The following KIF17 variants were observed in gnomAD, a reference collection of about 807,000 sequenced individuals.
The protein encoded by KIF17 is kinesin family member 17.
Under a neutral mutation model 96.8 loss-of-function variants are expected in KIF17, and 80 were observed. That is an observed-to-expected ratio of 0.83 (90% CI 0.69 to 1.00). The LOEUF (loss-of-function observed/expected upper bound fraction) is 1.00, where lower values mean the gene tolerates loss of function less well. Ranked by LOEUF, KIF17 falls within the 50% of genes least tolerant of loss-of-function variation. The pLI, the probability that KIF17 is intolerant of heterozygous loss-of-function variation, is 0.00. For missense variants in KIF17, 1,280 were observed against 1,372.9 expected, an observed-to-expected ratio of 0.93 and a Z score of 1.07; for synonymous variants, 567 against 587.5, an observed-to-expected ratio of 0.97 and a Z score of 0.51.
chr1:20,714,128 T>G (rs576457462), intron 2 of KIF17, among the ~76,000 whole-genome samples: 2 of 152,012 alleles, frequency 1.3e-5, no homozygotes, highest in South Asian at 4.2e-4. Context: ...GAGATCGAGA[T>G]CATCCTGGCT....
chr1:20,705,255 A>C lies in KIF17; in HGVS notation c.671-356T>G, dbSNP rs546746157. On this transcript the variant is annotated intron_variant, in intron 4 of 14. Transcript: ENST00000400463. ...AAGGCTTCCTGCAAGGTCAAGGTAG[A>C]GAAGGGCAGGGGTGTGGGCTGGATC... Among the ~76,000 whole-genome samples the C allele has an allele frequency of 2.0e-5, 3 of 152,346 alleles. No individual in the cohort carries two copies. The South Asian group carries it at 6.2e-4, about 32-fold the overall frequency.
At chr1:20,706,887 T>TAA (rs1351849408) in intron 4 of KIF17, among the ~76,000 whole-genome samples, 1 of 77,972 alleles carries the variant, frequency 1.3e-5, no homozygotes. Context: ...AAATCCTGTC[T>TAA]CAAAAAAAAA....
intron 2 of KIF17, among the ~76,000 whole-genome samples, chr1:20,714,539 G>A (rs2054543084): frequency 1.3e-5 from 2 of 151,726 alleles, no homozygotes; most frequent in South Asian, 4.2e-4. Flanking sequence ...GCTGACACCT[G>A]TAATCCCAAC....
At position 20,687,854 on chromosome 1, in the gene KIF17, T is replaced by A. The variant is rs771343541; in HGVS notation, c.1472A>T (p.Gln491Leu). The A allele has an allele frequency of 3.7e-6, 6 of 1,613,962 alleles. No homozygotes were observed. Among genetic ancestry groups the A allele is most frequent in the African/African-American group, 1.3e-5 (1 of 74,922 alleles). ...CTTGGGTTTCACCACTGTCTCATAC[T>A]GAAAAGCAGGCGGGTACTCAGCGCT... Reference protein sequence around the residue: ...ASSAEYPPAFQYETVVKPKVF... With the variant: ...ASSAEYPPAFLYETVVKPKVF... Residue 491 changes from glutamine to leucine, a missense_variant, in exon 8 of 15, where the codon CAG (glutamine) becomes CTG (leucine). Transcript: ENST00000400463. The surrounding 1 kb of genome is among the most constrained non-coding windows in gnomAD (Gnocchi z 4.4).
Position 20,717,559 on chromosome 1 carries a change from TGGG to T in KIF17, c.145_147del (p.Pro49del). The T allele has an allele frequency of 6.2e-7, 1 of 1,611,574 alleles. No individual in the cohort carries two copies. The highest frequency in any genetic ancestry group is 1.1e-5 in the South Asian group (1 of 90,986). ...TAGGCGCCGTCGAAGGTGAACTGCT[TGGG>T]CGGCTCGTCGGCGGCGCCCGGGTTC... On this transcript the variant is annotated inframe_deletion, in exon 1 of 15. Transcript: ENST00000400463.
intron 2 of KIF17, among the ~76,000 whole-genome samples, chr1:20,714,796 CAAAAAAAAAAA>C (rs34182653): frequency 9.3e-6 from 1 of 107,662 alleles, no homozygotes; most frequent in Non-Finnish European, 1.8e-5. Context: ...GACTCCGTCT[CAAAAAAAAAAA>C]AAAAAAAACA....
rs138931507 is a variant in KIF17 at position 20,715,525 on chromosome 1, T to C, written c.346A>G (p.Arg116Gly). 12 of 1,613,398 alleles carry C rather than the reference T, an allele frequency of 7.4e-6. No individual in the cohort carries two copies. Among genetic ancestry groups the C allele is most frequent in the African/African-American group, 2.7e-5 (2 of 74,918 alleles). The change falls in exon 2 of 15, where the codon AGG becomes GGG. Residue 116 changes from arginine to glycine, a missense_variant. Coordinates refer to ENST00000400463, the MANE Select transcript of KIF17 (RefSeq NM_001122819.3). ...DPPSQRGIIP[R>G]AFEHVFESVQ... Reference sequence around the variant, plus strand: ...CTCTCGAACACGTGCTCGAAGGCCCTGGGGATGATGCCTCTCTGGGAGGGC... The same window carrying C: ...CTCTCGAACACGTGCTCGAAGGCCCCGGGGATGATGCCTCTCTGGGAGGGC...
At chr1:20,684,605 A>AC (rs2053899763) in intron 10 of KIF17, among the ~76,000 whole-genome samples, 1 of 152,180 alleles carries the variant, frequency 6.6e-6, no homozygotes, top group African/African-American at 2.4e-5. Context: ...AGCAGGCCTG[A>AC]CAAGGGATGC....
At chr1:20,715,734 T>C in intron 1 of KIF17, 95 bp from the exon 2 acceptor site, 1 of 1,445,014 alleles carries the variant, frequency 6.9e-7, no homozygotes. Context: ...GGGCCCTTCC[T>C]GGTCCCCCCA....
At position 20,690,314 on chromosome 1, in the gene KIF17, G is replaced by C; in HGVS notation, c.1255C>G (p.Arg419Gly). The change falls in exon 7 of 15, where the codon CGG becomes GGG. Residue 419 changes from arginine (R) to glycine (G), a missense_variant. Transcript: ENST00000400463. ...IREEYEERLARLKADYKAEQE... is the reference protein window; with the variant it reads ...IREEYEERLAGLKADYKAEQE... Reference sequence around the variant, plus strand: ...TCGGCCTTATAGTCGGCTTTCAGCCGGGCCAGGCGCTCTTCATACTCCTGG... The same window carrying C: ...TCGGCCTTATAGTCGGCTTTCAGCCCGGCCAGGCGCTCTTCATACTCCTGG... 1 of 1,610,668 alleles carries C rather than the reference G, an allele frequency of 6.2e-7. No homozygotes were observed. Among genetic ancestry groups the C allele is most frequent in the Non-Finnish European group, 8.5e-7 (1 of 1,178,816 alleles).
intron 6 of KIF17, among the ~76,000 whole-genome samples, chr1:20,690,703 T>A (rs931414586): frequency 4.6e-5 from 7 of 151,800 alleles, no homozygotes; most frequent in African/African-American, 1.7e-4. Flanking sequence ...TTTTTTTTTT[T>A]TGAGACGGAG....
Position 20,700,082 on chromosome 1 carries a change from G to C in KIF17, c.1124-1594C>G, listed in dbSNP as rs1054814213. Among the ~76,000 whole-genome samples the C allele has an allele frequency of 6.6e-6, 1 of 151,958 alleles. No individual in the cohort carries two copies. Among genetic ancestry groups the C allele is most frequent in the Admixed American group, 6.6e-5 (1 of 15,240 alleles). ...GCCAGTTTTTGTTTTGTTTTGTTTT[G>C]TTTTTTGAGACGGGGTCTTTGCTCT... On this transcript the variant is annotated intron_variant, in intron 5 of 14. Transcript: ENST00000400463. The surrounding 1 kb of genome is among the most constrained non-coding windows in gnomAD (Gnocchi z 4.6).
At position 20,709,946 on chromosome 1, in the gene KIF17, C is replaced by T. The variant is rs1334642769; in HGVS notation, c.481-118G>A. 4.3e-6 allele frequency: 4 copies of T among 922,204 alleles called. No individual in the cohort carries two copies. Among genetic ancestry groups the T allele is most frequent in the Non-Finnish European group, 6.8e-6 (4 of 585,478 alleles). 57.1% of individuals were successfully genotyped at this position (922,204 alleles called of 1,614,324 possible). A position where few individuals can be genotyped will look rare whatever the true frequency, so the allele number is the denominator to read the frequency against. Reference sequence around the variant, plus strand: ...AGACCGCCCTCGCCCTCCTGTAATGCAGGCTGGCACCTCACATGCCTGTCA... The same window carrying T: ...AGACCGCCCTCGCCCTCCTGTAATGTAGGCTGGCACCTCACATGCCTGTCA... On this transcript the variant is annotated intron_variant, in intron 3 of 14. Transcript: ENST00000400463. The surrounding 1 kb of genome is among the most constrained non-coding windows in gnomAD (Gnocchi z 4.7).
intron 6 of KIF17, chr1:20,692,901 G>A (rs1191924075): frequency 1.3e-5 from 2 of 151,546 alleles, no homozygotes; most frequent in African/African-American, 4.9e-5. Context: ...AGCCTCCTGA[G>A]TAGCTGGGAC....
intron 11 of KIF17, among the ~76,000 whole-genome samples, chr1:20,676,726 G>C (rs2053744021): frequency 6.6e-6 from 1 of 152,104 alleles, no homozygotes; most frequent in Admixed American, 6.6e-5. Flanking sequence ...AGCTACTTGG[G>C]AGGCTGAGGC....
Position 20,685,956 on chromosome 1 carries a change from G to C in KIF17, c.2019+90C>G. On this transcript the variant is annotated intron_variant, in intron 9 of 14. Coordinates refer to ENST00000400463, the MANE Select transcript of KIF17 (RefSeq NM_001122819.3). This position sits in a 1 kb window ranked among gnomAD's most constrained non-coding sequence, Gnocchi z 4.1. ...TTCTCAGCTCATGGATGAGGAAACT[G>C]AAGCTCAGGGAGGGAGAAGACAAGC... is the stretch of plus-strand genomic sequence containing the variant. 9.2e-7 allele frequency: 1 copy of C among 1,090,858 alleles called. No individual in the cohort carries two copies. Among genetic ancestry groups the C allele is most frequent in the Non-Finnish European group, 1.4e-6 (1 of 727,576 alleles). The allele number at this position is 1,090,858 out of a possible 1,614,324, so 67.6% of individuals were successfully genotyped here.
In KIF17 at chr1:20,709,607, G is replaced by T. The variant is rs369826723; in HGVS notation, c.670+32C>A. 25 of 1,612,272 alleles carry T rather than the reference G, an allele frequency of 1.6e-5. No homozygotes were observed. In the African/African-American group the frequency reaches 3.3e-4, roughly 22 times the overall value. On this transcript the variant is annotated intron_variant, in intron 4 of 14. Coordinates refer to ENST00000400463, the MANE Select transcript of KIF17 (RefSeq NM_001122819.3). The surrounding 1 kb of genome is among the most constrained non-coding windows in gnomAD (Gnocchi z 4.7). ...GCTAGTGGGAGTGGCTGGGTCATCT[G>T]TCCCCCTGCCCCCAACAATGGCCTC...
chr1:20,685,972 G>A lies in KIF17; in HGVS notation c.2019+74C>T. On this transcript the variant is annotated intron_variant, in intron 9 of 14. Transcript: ENST00000400463. The surrounding 1 kb of genome is among the most constrained non-coding windows in gnomAD (Gnocchi z 4.1). ...GAGGAAACTGAAGCTCAGGGAGGGAGAAGACAAGCTGGAGTTTCCCAGGAA... is the reference window on the plus strand; with the variant it reads ...GAGGAAACTGAAGCTCAGGGAGGGAAAAGACAAGCTGGAGTTTCCCAGGAA... The A allele has an allele frequency of 5.8e-6, 7 of 1,206,474 alleles. No homozygotes were observed. The highest frequency in any genetic ancestry group is 8.4e-6 in the Non-Finnish European group (7 of 832,646). The allele number at this position is 1,206,474 out of a possible 1,614,324, so 74.7% of individuals were successfully genotyped here.
intron 12 of KIF17, 55 bp from the exon 13 acceptor site, chr1:20,670,543 G>T: frequency 1.9e-6 from 3 of 1,552,286 alleles, no homozygotes; most frequent in Non-Finnish European, 2.7e-6. Flanking sequence ...AGGCCTAGAG[G>T]AGGGCACAGG....
Sources: allele counts gnomAD v4.1 joint callset (sites outside exome capture counted in the v4.1 genomes callset), GRCh38; gene constraint gnomAD v4.1.1; non-coding constraint Gnocchi (gnomAD v3.1); transcripts MANE v1.5; gene names NCBI Gene and HGNC (gene_info 2026-07-23, HGNC 2026-07-21).